Variants in PRR5L observed in about 807,000 individuals in gnomAD.
The protein encoded by PRR5L is proline rich 5 like, also known as proline-rich protein 5-like.
Under a neutral mutation model 36.4 loss-of-function variants are expected in PRR5L, and 21 were observed. The observed-to-expected ratio is 0.58, with a 90% confidence interval of 0.41 to 0.83. The LOEUF is 0.83. Among genes scored for constraint, PRR5L ranks in the 40% least tolerant of loss-of-function variants. PRR5L has a pLI of 0.00. For missense variants in PRR5L, 381 were observed against 473.3 expected (o/e 0.80, Z 1.81); for synonymous variants, 188 against 197.0 (o/e 0.95, Z 0.38).
intron 1 of PRR5L, among the ~76,000 whole-genome samples, chr11:36,318,411 C>T (rs1218622111): frequency 3.9e-5 from 6 of 152,072 alleles, no homozygotes; most frequent in Non-Finnish European, 5.9e-5. Context: ...AGTTGCGAAC[C>T]ATTGGATTCA....
chr11:36,446,504 C>T, intron 7 of PRR5L, 64 bp downstream of exon 7: 1 of 1,592,914 alleles, frequency 6.3e-7, no homozygotes, highest in Non-Finnish European at 8.6e-7. Flanking sequence ...GATTGCCTTT[C>T]TGAGATGAGG....
In PRR5L at chr11:36,355,915, C is replaced by CT. The variant is rs558041491; in HGVS notation, c.-125-45072dup. 4.4e-3 allele frequency among the ~76,000 whole-genome samples: 643 copies of CT among 146,804 alleles called. 2 individuals are homozygous for CT. The highest frequency in any genetic ancestry group is 0.015 in the African/African-American group (585 of 39,936). On this transcript the variant is annotated intron_variant, in intron 1 of 8. Coordinates refer to ENST00000530639, the MANE Select transcript of PRR5L (RefSeq NM_001160167.2). Reference sequence around the variant, plus strand: ...ACAGCCTATTAACACCTGATCTTTGCTTTTTTTTTTCTTTTTGAGACAGGG... The same window carrying CT: ...ACAGCCTATTAACACCTGATCTTTGCTTTTTTTTTTTCTTTTTGAGACAGGG...
intron 1 of PRR5L, among the ~76,000 whole-genome samples, chr11:36,348,792 C>G (rs1475997023): frequency 6.6e-6 from 1 of 152,102 alleles, no homozygotes; most frequent in Non-Finnish European, 1.5e-5. Context: ...ATCACAACAC[C>G]CCTATAACTC....
At chr11:36,452,333 T>C (rs528668571) in intron 8 of PRR5L, among the ~76,000 whole-genome samples, 41 of 152,160 alleles carry the variant, frequency 2.7e-4, no homozygotes, top group Non-Finnish European at 5.3e-4. Context: ...ATAGTTGAGC[T>C]TCAAAGAAAG....
chr11:36,362,724 T>G (rs1387335992), intron 1 of PRR5L, among the ~76,000 whole-genome samples: 1 of 152,204 alleles, frequency 6.6e-6, no homozygotes, highest in African/African-American at 2.4e-5. Flanking sequence ...GGATTCTCTG[T>G]TATAGCCCAG....
At chr11:36,445,499 A>G (rs567216889) in intron 6 of PRR5L, among the ~76,000 whole-genome samples, 2 of 152,128 alleles carry the variant, frequency 1.3e-5, no homozygotes, top group African/African-American at 4.8e-5. Context: ...TGTATTGTGT[A>G]AAGGAGACTG....
chr11:36,376,443 C>A, intron 1 of PRR5L: 2 of 1,134,334 alleles, frequency 1.8e-6, no homozygotes, highest in South Asian at 3.7e-5. Flanking sequence ...GCGGCCGAAG[C>A]GTTTGTTGAC....
chr11:36,372,034 G>A (rs1816923), intron 1 of PRR5L, among the ~76,000 whole-genome samples: 50,042 of 151,860 alleles, frequency 0.33, 8,507 homozygotes, highest in East Asian at 0.53. Context: ...CTCCAGCCTG[G>A]GTGACAGAGA....
chr11:36,410,805 C>T (rs1308750143), intron 3 of PRR5L, among the ~76,000 whole-genome samples: 1 of 152,162 alleles, frequency 6.6e-6, no homozygotes, highest in African/African-American at 2.4e-5. Context: ...GAGAAGCTGC[C>T]TCCTTGAAAC....
At chr11:36,400,025 A>C (rs1005230614) in intron 1 of PRR5L, among the ~76,000 whole-genome samples, 1 of 152,272 alleles carries the variant, frequency 6.6e-6, no homozygotes, top group Non-Finnish European at 1.5e-5. Context: ...CTCAAACCTG[A>C]AGCCACTGCC....
chr11:36,300,792 G>A (rs944923385), intron 1 of PRR5L, among the ~76,000 whole-genome samples: 1 of 152,214 alleles, frequency 6.6e-6, no homozygotes, highest in African/African-American at 2.4e-5. Context: ...TGCCTGCCAA[G>A]GCTGTGTCAG....
intron 1 of PRR5L, among the ~76,000 whole-genome samples, chr11:36,365,130 T>C (rs1437648961): frequency 6.6e-6 from 1 of 152,216 alleles, no homozygotes; most frequent in Non-Finnish European, 1.5e-5. Context: ...CCTTAGATCA[T>C]ATCTGTTAGG....
chr11:36,413,347 T>C (rs1858067696), intron 3 of PRR5L, among the ~76,000 whole-genome samples: 1 of 152,210 alleles, frequency 6.6e-6, no homozygotes, highest in Non-Finnish European at 1.5e-5. Context: ...GTACACACCC[T>C]GCTTCCTGAT....
intron 1 of PRR5L, among the ~76,000 whole-genome samples, chr11:36,367,476 A>G (rs947192360): frequency 1.3e-5 from 2 of 152,244 alleles, no homozygotes; most frequent in Admixed American, 1.3e-4. Flanking sequence ...AGTGTCTGCA[A>G]CTGAGACTCT....
chr11:36,414,823 T>C (rs1858106262), intron 3 of PRR5L, among the ~76,000 whole-genome samples: 1 of 146,940 alleles, frequency 6.8e-6, no homozygotes, highest in Admixed American at 6.7e-5. Context: ...TAGGTTTTCT[T>C]CTAGGGTTTT....
At chr11:36,318,824 T>G (rs140772597) in intron 1 of PRR5L, among the ~76,000 whole-genome samples, 1 of 151,426 alleles carries the variant, frequency 6.6e-6, no homozygotes, top group Non-Finnish European at 1.5e-5. Flanking sequence ...AGAAGGGAAA[T>G]GGGAGGGAAA....
intron 3 of PRR5L, among the ~76,000 whole-genome samples, chr11:36,408,530 C>T (rs992559982): frequency 6.6e-5 from 10 of 152,292 alleles, no homozygotes; most frequent in African/African-American, 2.2e-4. Context: ...CCCTAAATTT[C>T]CATCTGCCAG....
chr11:36,415,614 C>T (rs11033612), intron 3 of PRR5L, among the ~76,000 whole-genome samples: 11,127 of 152,176 alleles, frequency 0.073, 771 homozygotes, highest in African/African-American at 0.18. Flanking sequence ...AGCAGTGTTG[C>T]GCGCCTGCTC....
intron 1 of PRR5L, among the ~76,000 whole-genome samples, chr11:36,370,607 C>T (rs1197497953): frequency 2.0e-5 from 3 of 152,122 alleles, no homozygotes; most frequent in Admixed American, 6.5e-5. Flanking sequence ...AGAGGCCGGG[C>T]GAGGTGGCTC....
Sources: allele counts gnomAD v4.1 joint callset (sites outside exome capture counted in the v4.1 genomes callset), GRCh38; gene constraint gnomAD v4.1.1; transcripts MANE v1.5; gene names NCBI Gene and HGNC (gene_info 2026-07-23, HGNC 2026-07-21).